PGM2L1: variants seen among roughly 807,000 people sequenced by gnomAD.
PGM2L1 encodes phosphoglucomutase 2 like 1, also known as glucose 1,6-bisphosphate synthase.
In PGM2L1, 35 loss-of-function variants were observed where a neutral mutation model predicts 73.4. The ratio of observed to expected loss-of-function variants is 0.48; its 90% CI spans 0.36 to 0.63. PGM2L1 has a LOEUF of 0.63. Among genes scored for constraint, PGM2L1 ranks in the 30% least tolerant of loss-of-function variants. PGM2L1 has a pLI of 0.00. For synonymous variants in PGM2L1, 225 were observed against 253.8 expected, an observed-to-expected ratio of 0.89 and a Z score of 1.08; for missense variants, 570 against 742.0, an observed-to-expected ratio of 0.77 and a Z score of 2.69.
Position 74,370,899 on chromosome 11 carries a change from T to TA in PGM2L1, c.471+2dup. On this transcript the variant is annotated splice_region_variant and intron_variant, in intron 4 of 13. Transcript: ENST00000298198. ...TATATGATCACCAACACAACACACT[T>TA]ACTACAAAAGGTGTAGGAACATATC... The TA allele has an allele frequency of 6.2e-7, 1 of 1,602,688 alleles. No individual in the cohort carries two copies. The highest frequency in any genetic ancestry group is 8.5e-7 in the Non-Finnish European group (1 of 1,170,280).
intron 1 of PGM2L1, among the ~76,000 whole-genome samples, chr11:74,392,492 T>A (rs976457058): frequency 1.3e-5 from 2 of 152,198 alleles, no homozygotes; most frequent in South Asian, 4.1e-4. Context: ...CCATGGCAAT[T>A]TATTCTGCAT....
chr11:74,341,997 AAT>A (rs753359238), intron 12 of PGM2L1, among the ~76,000 whole-genome samples: 3 of 152,006 alleles, frequency 2.0e-5, no homozygotes, highest in Non-Finnish European at 2.9e-5. Flanking sequence ...AATGTATTAT[AAT>A]TAGCATATAA....
At chr11:74,397,271 G>A (rs1053484084) in intron 1 of PGM2L1, among the ~76,000 whole-genome samples, 4 of 146,768 alleles carry the variant, frequency 2.7e-5, no homozygotes, top group African/African-American at 9.9e-5. Context: ...TTACAAGTAA[G>A]ATAGCTGCAT....
At chr11:74,378,567 G>GA (rs1862891427) in intron 1 of PGM2L1, among the ~76,000 whole-genome samples, 1 of 152,088 alleles carries the variant, frequency 6.6e-6, no homozygotes. Context: ...GCAGAATACA[G>GA]AAAAAAGCCA....
chr11:74,345,071 G>T (rs1231359051), intron 9 of PGM2L1, among the ~76,000 whole-genome samples: 2 of 152,134 alleles, frequency 1.3e-5, no homozygotes, highest in African/African-American at 2.4e-5. Flanking sequence ...ATGCAATTTA[G>T]AAGACTACTT....
chr11:74,357,404 G>A (rs1565439002), intron 5 of PGM2L1, among the ~76,000 whole-genome samples: 1 of 152,068 alleles, frequency 6.6e-6, no homozygotes, highest in Non-Finnish European at 1.5e-5. Context: ...ATACACAGAT[G>A]GTAAAGAAGT....
In PGM2L1 at chr11:74,357,786, A is replaced by T. The variant is rs557266336; in HGVS notation, c.556-6210T>A. Among the ~76,000 whole-genome samples the T allele has an allele frequency of 1.2e-3, 186 of 152,352 alleles. 2 individuals carry two copies. Among genetic ancestry groups the T allele is most frequent in the African/African-American group, 4.2e-3 (176 of 41,598 alleles). ...CTTGGAAGAATCTATGATGTTCTTC[A>T]GTAGGTGAATGGAGAAATAAACTGT... On this transcript the variant is annotated intron_variant, in intron 5 of 13. Coordinates refer to ENST00000298198, the MANE Select transcript of PGM2L1 (RefSeq NM_173582.6).
rs1475803085 is a variant in PGM2L1, at chr11:74,330,770, T to C, written c.*5882A>G. On this transcript the variant is annotated 3_prime_UTR_variant, in exon 14 of 14. Coordinates refer to ENST00000298198, the MANE Select transcript of PGM2L1 (RefSeq NM_173582.6). ...AAAATGACACTTAGACTAGTGATAT[T>C]AAGTCTACATAGACACCATTTCTTT... The C allele has an allele frequency of 6.6e-6, 1 of 152,612 alleles. No homozygotes were observed. Among genetic ancestry groups the C allele is most frequent in the Non-Finnish European group, 1.5e-5 (1 of 68,030 alleles). 9.5% of individuals were successfully genotyped at this position (152,612 alleles called of 1,614,324 possible). A position where few individuals can be genotyped will look rare whatever the true frequency, so the allele number is the denominator to read the frequency against.
rs943675766 is a variant in PGM2L1, at chr11:74,331,687, C to T, written c.*4965G>A. The T allele has an allele frequency of 2.6e-5, 4 of 152,152 alleles. No homozygotes were observed. The highest frequency in any genetic ancestry group is 2.0e-4 in the Admixed American group (3 of 15,282). The allele number at this position is 152,152 out of a possible 1,614,324, so 9.4% of individuals were successfully genotyped here. ...TGAACATGGTGCTCCTTTGTGGTGG[C>T]ATAAGTTTCAGTAAAGATTAAACAT... On this transcript the variant is annotated 3_prime_UTR_variant, in exon 14 of 14. Coordinates refer to ENST00000298198, the MANE Select transcript of PGM2L1 (RefSeq NM_173582.6).
chr11:74,386,480 CTT>C (rs1306684484), intron 1 of PGM2L1, among the ~76,000 whole-genome samples: 7 of 141,700 alleles, frequency 4.9e-5, no homozygotes, highest in Non-Finnish European at 6.2e-5. Flanking sequence ...AAAAAAAAAA[CTT>C]TTTTTTTTTT....
At chr11:74,339,607 C>T (rs933534526) in intron 12 of PGM2L1, among the ~76,000 whole-genome samples, 2 of 152,168 alleles carry the variant, frequency 1.3e-5, no homozygotes, top group Non-Finnish European at 2.9e-5. Context: ...TTATCCAGTT[C>T]TTTCCATCAC....
In PGM2L1 at chr11:74,354,861, C is replaced by T. The variant is rs186352218; in HGVS notation, c.556-3285G>A. ...TGAAGCGACTGTAATCATGACTGAC[C>T]GAGGCAGTGGCAGGAAAAGGGGCTT... is the stretch of plus-strand genomic sequence containing the variant. On this transcript the variant is annotated intron_variant, in intron 5 of 13. Transcript: ENST00000298198. 85 of 858,964 alleles carry T rather than the reference C, an allele frequency of 9.9e-5. No individual in the cohort carries two copies. The Middle Eastern group carries it at 1.0e-3, about 10-fold the overall frequency. The allele number at this position is 858,964 out of a possible 1,614,324, so 53.2% of individuals were successfully genotyped here.
rs1335251466 is a variant in PGM2L1 at position 74,374,571 on chromosome 11, T to A, written c.123A>T (p.Thr41=). Residue 41 remains threonine, a synonymous_variant, in exon 2 of 14, where the codon ACA becomes ACT. Transcript: ENST00000298198. ...GTAACAGGTTTTCAATCTGCTCTTT[T>A]GTTTTGGGATTCTATAAAAAAGAAG... ...QWLRWDKNPK[T]KEQIENLLRN... is the part of the protein sequence containing the mutation. The A allele has an allele frequency of 6.2e-7, 1 of 1,613,226 alleles. No individual in the cohort carries two copies. The highest frequency in any genetic ancestry group is 8.5e-7 in the Non-Finnish European group (1 of 1,179,694).
chr11:74,362,866 C>T (rs1862587995), intron 5 of PGM2L1, among the ~76,000 whole-genome samples: 2 of 152,190 alleles, frequency 1.3e-5, no homozygotes, highest in Admixed American at 1.3e-4. Context: ...AGGAATTGAA[C>T]TCAGCTCTGC....
At chr11:74,367,521 C>T (rs1399073421) in intron 5 of PGM2L1, among the ~76,000 whole-genome samples, 1 of 151,816 alleles carries the variant, frequency 6.6e-6, no homozygotes, top group Non-Finnish European at 1.5e-5. Flanking sequence ...CTAACTCCAG[C>T]TTCTCTTCTT....
At chr11:74,376,628 C>CAT (rs1381927270) in intron 1 of PGM2L1, among the ~76,000 whole-genome samples, 1 of 151,692 alleles carries the variant, frequency 6.6e-6, no homozygotes, top group Non-Finnish European at 1.5e-5. Context: ...TACACACACA[C>CAT]ATATATAAAT....
intron 5 of PGM2L1, among the ~76,000 whole-genome samples, chr11:74,368,216 T>C (rs1179239305): frequency 2.6e-5 from 4 of 152,156 alleles, no homozygotes; most frequent in Non-Finnish European, 4.4e-5. Flanking sequence ...TGTGACTTTA[T>C]GAAACGGTAG....
At chr11:74,346,256 C>T (rs1220825210) in intron 8 of PGM2L1, among the ~76,000 whole-genome samples, 10 of 64,988 alleles carry the variant, frequency 1.5e-4, no homozygotes, top group South Asian at 4.7e-4. Flanking sequence ...GCAACAAGAG[C>T]GAAACTATGT....
chr11:74,362,687 G>A (rs1188434585), intron 5 of PGM2L1, among the ~76,000 whole-genome samples: 1 of 152,114 alleles, frequency 6.6e-6, no homozygotes, highest in Non-Finnish European at 1.5e-5. Flanking sequence ...CAAAATAAAG[G>A]GATGGAGGAA....
Sources: gnomAD v4.1 joint callset for allele counts (sites outside exome capture counted in the v4.1 genomes callset) on GRCh38, gnomAD v4.1.1 for gene constraint, MANE v1.5 for transcripts, NCBI Gene and HGNC (gene_info 2026-07-23, HGNC 2026-07-21) for gene names.